The following GRID2 variants were observed in gnomAD, a reference collection of about 807,000 sequenced individuals.
GRID2 encodes the protein glutamate ionotropic receptor delta type subunit 2, also known as glutamate receptor ionotropic, delta-2.
In GRID2, 33 loss-of-function variants were observed where a neutral mutation model predicts 114.8. That is an observed-to-expected ratio of 0.29 (90% confidence interval 0.22 to 0.38). The LOEUF is 0.38. Among genes scored for constraint, GRID2 ranks in the 10% least tolerant of loss-of-function variants. The pLI is 1.00. For missense variants in GRID2, 1,184 were observed against 1,257.7 expected (o/e 0.94, Z 0.89); for synonymous variants, 505 against 449.9 (o/e 1.12, Z -1.55).
chr4:92,455,778 T>C (rs572641599), intron 1 of GRID2, among the ~76,000 whole-genome samples: 2 of 152,314 alleles, frequency 1.3e-5, no homozygotes, highest in East Asian at 1.9e-4. Context: ...AATTTTGTTA[T>C]GCTTGTGGAG....
chr4:92,930,759 C>A (rs987918761), intron 2 of GRID2, among the ~76,000 whole-genome samples: 2 of 150,814 alleles, frequency 1.3e-5, no homozygotes, highest in African/African-American at 2.4e-5. Context: ...TGGACACACA[C>A]ATACACATGC....
At chr4:93,530,539 T>G (rs1356543827) in intron 13 of GRID2, among the ~76,000 whole-genome samples, 1 of 152,162 alleles carries the variant, frequency 6.6e-6, no homozygotes, top group East Asian at 1.9e-4. Context: ...TCTTTTTCTG[T>G]CTATTCGTTC....
At chr4:92,327,271 T>A (rs1005507172) in intron 1 of GRID2, among the ~76,000 whole-genome samples, 1 of 152,000 alleles carries the variant, frequency 6.6e-6, no homozygotes, top group Non-Finnish European at 1.5e-5. Flanking sequence ...TTTGTCAGTA[T>A]CAAGTAGTTG....
intron 13 of GRID2, among the ~76,000 whole-genome samples, chr4:93,585,590 T>A (rs1420487195): frequency 6.6e-6 from 1 of 152,090 alleles, no homozygotes; most frequent in Non-Finnish European, 1.5e-5. Context: ...CTCATAAAAT[T>A]TGTGCAAAGC....
chr4:93,784,678 CG>C (rs889003010), intron 1 of GRID2, among the ~76,000 whole-genome samples: 1 of 118,302 alleles, frequency 8.5e-6, no homozygotes, highest in South Asian at 2.9e-4. Flanking sequence ...ACACACACCA[CG>C]GTATCGCAGA....
chr4:93,617,514 T>C (rs72889180), intron 13 of GRID2, among the ~76,000 whole-genome samples: 5,697 of 152,286 alleles, frequency 0.037, 356 homozygotes, highest in African/African-American at 0.13. Context: ...TTTGTCTTGG[T>C]TATTTGCCTC....
In GRID2 at chr4:92,611,171, A is replaced by G. The variant is rs72616101; in HGVS notation, c.244+20885A>G. 5.7e-3 allele frequency among the ~76,000 whole-genome samples: 850 copies of G among 149,076 alleles called. 39 individuals carry two copies. The East Asian group carries it at 0.12, about 21-fold the overall frequency. ...ATGTGTGTGTGTGTGTGTGTGTTTT[A>G]GCCTGCTTAGGCTGCATAATAAAAT... On this transcript the variant is annotated intron_variant, in intron 2 of 15. Transcript: ENST00000282020.
At chr4:93,488,504 C>A (rs959321645) in intron 11 of GRID2, among the ~76,000 whole-genome samples, 6 of 151,802 alleles carry the variant, frequency 4.0e-5, no homozygotes, top group South Asian at 2.1e-4. Flanking sequence ...TATAGTAAAT[C>A]GAATCCTGTT....
chr4:93,702,246 A>G (rs906988651), intron 14 of GRID2, among the ~76,000 whole-genome samples: 1 of 152,200 alleles, frequency 6.6e-6, no homozygotes, highest in Non-Finnish European at 1.5e-5. Flanking sequence ...CTAGATTTCA[A>G]TGCATTCTGC....
chr4:92,549,090 A>G (rs1419839054), intron 1 of GRID2, among the ~76,000 whole-genome samples: 4 of 148,392 alleles, frequency 2.7e-5, no homozygotes, highest in African/African-American at 9.9e-5. Context: ...ATGATAGATG[A>G]TGATAGGAGC....
chr4:92,316,531 T>G (rs1235315860), intron 1 of GRID2, among the ~76,000 whole-genome samples: 1 of 152,214 alleles, frequency 6.6e-6, no homozygotes, highest in Admixed American at 6.5e-5. Flanking sequence ...TTTGGGTGTG[T>G]CACCAGATTT....
intron 2 of GRID2, among the ~76,000 whole-genome samples, chr4:92,698,506 T>A (rs990331762): frequency 1.3e-5 from 2 of 152,074 alleles, no homozygotes; most frequent in East Asian, 3.9e-4. Flanking sequence ...GATTATAATA[T>A]AGCTGGAGGG....
In GRID2 at chr4:93,305,653, G is replaced by A. The variant is rs192413981; in HGVS notation, c.1245+67163G>A. On this transcript the variant is annotated intron_variant, in intron 8 of 15. Transcript: ENST00000282020. ...AGAATATGGAAACAATGCAAGAATC[G>A]TTGGAATTTAGAGTGCAAATAAAAA... is the stretch of plus-strand genomic sequence containing the variant. Among the ~76,000 whole-genome samples, 402 of 152,270 alleles carry A rather than the reference G, an allele frequency of 2.6e-3. 3 individuals carry two copies. Among genetic ancestry groups the A allele is most frequent in the African/African-American group, 9.0e-3 (375 of 41,572 alleles).
intron 13 of GRID2, among the ~76,000 whole-genome samples, chr4:93,576,520 A>G (rs1296743509): frequency 6.6e-6 from 1 of 152,238 alleles, no homozygotes; most frequent in East Asian, 1.9e-4. Flanking sequence ...TGGTCATTTT[A>G]ACAATAACTT....
At chr4:93,685,035 G>C (rs1345701080) in intron 14 of GRID2, among the ~76,000 whole-genome samples, 2 of 151,932 alleles carry the variant, frequency 1.3e-5, no homozygotes, top group African/African-American at 4.8e-5. Flanking sequence ...TATTAGTCCA[G>C]GCTATTTGCA....
chr4:93,373,964 G>A (rs1161072203), intron 8 of GRID2, among the ~76,000 whole-genome samples: 1 of 152,158 alleles, frequency 6.6e-6, no homozygotes, highest in Non-Finnish European at 1.5e-5. Context: ...AGGCTTATTA[G>A]GGTATATTGA....
intron 2 of GRID2, among the ~76,000 whole-genome samples, chr4:92,853,970 A>G (rs1744003347): frequency 6.6e-6 from 1 of 151,700 alleles, no homozygotes; most frequent in Non-Finnish European, 1.5e-5. Flanking sequence ...AAACCTGCAC[A>G]TGTACCCCCA....
chr4:92,558,474 A>G (rs1422067839), intron 1 of GRID2, among the ~76,000 whole-genome samples: 1 of 152,142 alleles, frequency 6.6e-6, no homozygotes, highest in Non-Finnish European at 1.5e-5. Context: ...TAAATGCAAG[A>G]AGCTTTTAAT....
chr4:92,979,853 A>G lies in GRID2; in HGVS notation c.245-105142A>G, dbSNP rs1012785949. Among the ~76,000 whole-genome samples, 171 of 152,270 alleles carry G rather than the reference A, an allele frequency of 1.1e-3. 1 individual carries two copies. The highest frequency in any genetic ancestry group is 3.9e-3 in the African/African-American group (164 of 41,574). ...CAAATTTAGCTCAGCTGGCACTTAT[A>G]AAAAAGCCATTGCCAGAATGCCTGA... On this transcript the variant is annotated intron_variant, in intron 2 of 15. Transcript: ENST00000282020.
Sources: gnomAD v4.1 joint callset for allele counts (sites outside exome capture counted in the v4.1 genomes callset) on GRCh38, gnomAD v4.1.1 for gene constraint, MANE v1.5 for transcripts, NCBI Gene and HGNC (gene_info 2026-07-23, HGNC 2026-07-21) for gene names.